The following RAB3GAP2 variants were observed in gnomAD, a reference collection of about 807,000 sequenced individuals.
RAB3GAP2 encodes rab3 GTPase-activating protein non-catalytic subunit.
RAB3GAP2 carries 87 observed loss-of-function variants against 185.3 expected under a neutral mutation model. The ratio of observed to expected loss-of-function variants is 0.47; its 90% CI spans 0.39 to 0.56. The LOEUF (loss-of-function observed/expected upper bound fraction) is 0.56, where lower values mean the gene tolerates loss of function less well. Among genes scored for constraint, RAB3GAP2 ranks in the 20% least tolerant of loss-of-function variants. RAB3GAP2 has a pLI of 0.00. For synonymous variants in RAB3GAP2, 554 were observed against 576.1 expected, an observed-to-expected ratio of 0.96 and a Z score of 0.55; for missense variants, 1,492 against 1,638.2, an observed-to-expected ratio of 0.91 and a Z score of 1.54.
chr1:220,189,801 A>C lies in RAB3GAP2; in HGVS notation c.1715-34T>G, dbSNP rs1044132350. On this transcript the variant is annotated intron_variant, in intron 16 of 34. Coordinates refer to ENST00000358951, the MANE Select transcript of RAB3GAP2 (RefSeq NM_012414.4). Reference sequence around the variant, plus strand: ...AAAAAAATAATCAAAGTAAAATTTTAATTTTTATAACAGTGAAACATTATT... The same window carrying C: ...AAAAAAATAATCAAAGTAAAATTTTCATTTTTATAACAGTGAAACATTATT... The C allele has an allele frequency of 5.8e-6, 8 of 1,389,604 alleles. No homozygotes were observed. The African/African-American group carries it at 1.2e-4, about 20-fold the overall frequency. 86.1% of individuals were successfully genotyped at this position (1,389,604 alleles called of 1,614,324 possible).
At chr1:220,159,522 A>G in intron 28 of RAB3GAP2, 101 bp from the exon 29 acceptor site, 1 of 873,718 alleles carries the variant, frequency 1.1e-6, no homozygotes, top group South Asian at 1.6e-5. Context: ...AAAACCGTAA[A>G]TGGCGCTATA....
intron 1 of RAB3GAP2, among the ~76,000 whole-genome samples, chr1:220,264,674 T>C (rs563546002): frequency 6.6e-6 from 1 of 152,210 alleles, no homozygotes; most frequent in East Asian, 2.0e-4. Context: ...CCACCACAAT[T>C]TACTATTTGC....
chr1:220,208,661 T>TA (rs1037464775), intron 7 of RAB3GAP2, among the ~76,000 whole-genome samples: 3 of 152,300 alleles, frequency 2.0e-5, no homozygotes, highest in East Asian at 1.9e-4. Flanking sequence ...TAGCTCATTT[T>TA]AAAAAAATTG....
At chr1:220,223,799 C>T (rs1159530904) in intron 2 of RAB3GAP2, among the ~76,000 whole-genome samples, 3 of 151,682 alleles carry the variant, frequency 2.0e-5, no homozygotes, top group Admixed American at 2.0e-4. Flanking sequence ...TCATACACTG[C>T]TATTTGGAAT....
chr1:220,160,065 GCTA>G (rs1414371671), intron 28 of RAB3GAP2, among the ~76,000 whole-genome samples: 13 of 151,948 alleles, frequency 8.6e-5, no homozygotes, highest in Non-Finnish European at 1.5e-4. Context: ...CTAATTCAGG[GCTA>G]CTAATCAAGA....
chr1:220,246,974 G>A (rs1160999192), intron 1 of RAB3GAP2, among the ~76,000 whole-genome samples: 1 of 152,072 alleles, frequency 6.6e-6, no homozygotes, highest in Non-Finnish European at 1.5e-5. Flanking sequence ...CTCTAAAGAA[G>A]ATATACAAAC....
At chr1:220,172,887 A>G in intron 21 of RAB3GAP2, 145 bp from the exon 22 acceptor site, 1 of 659,484 alleles carries the variant, frequency 1.5e-6, no homozygotes, top group Non-Finnish European at 2.7e-6. Flanking sequence ...TGTATCATGT[A>G]ATCTGAGAGG....
At chr1:220,240,612 C>G (rs752226965) in intron 1 of RAB3GAP2, among the ~76,000 whole-genome samples, 28 of 152,056 alleles carry the variant, frequency 1.8e-4, no homozygotes, top group Non-Finnish European at 3.5e-4. Context: ...TTGAATCATA[C>G]CCTTTCTCTA....
intron 13 of RAB3GAP2, 144 bp downstream of exon 13, chr1:220,193,096 G>C: frequency 1.0e-6 from 1 of 956,356 alleles, no homozygotes; most frequent in Non-Finnish European, 1.6e-6. Context: ...AGTGGTTGCT[G>C]ATCTGAGTTC....
chr1:220,148,790 T>TATC lies in RAB3GAP2; in HGVS notation c.*2458_*2460dup, dbSNP rs1443785952. ...AAGCATTAAGAAGCATGGTGCTATA[T>TATC]ATCTCTTTATCTACATTTACCCTGG... is the stretch of plus-strand genomic sequence containing the variant. On this transcript the variant is annotated 3_prime_UTR_variant, in exon 35 of 35. Transcript: ENST00000358951. 1.3e-5 allele frequency: 2 copies of TATC among 152,310 alleles called. No homozygotes were observed. The highest frequency in any genetic ancestry group is 4.8e-5 in the African/African-American group (2 of 41,588). 9.4% of individuals were successfully genotyped at this position (152,310 alleles called of 1,614,324 possible).
At chr1:220,239,802 C>T (rs1165075886) in intron 1 of RAB3GAP2, among the ~76,000 whole-genome samples, 1 of 152,056 alleles carries the variant, frequency 6.6e-6, no homozygotes, top group Admixed American at 6.5e-5. Flanking sequence ...CGTGCACACA[C>T]AATGTATTTT....
chr1:220,241,243 G>C (rs555202970), intron 1 of RAB3GAP2, among the ~76,000 whole-genome samples: 1 of 152,038 alleles, frequency 6.6e-6, no homozygotes. Context: ...ACAAGAACCT[G>C]AAGCTAGAAA....
intron 1 of RAB3GAP2, among the ~76,000 whole-genome samples, chr1:220,245,192 G>C (rs199655143): frequency 2.1e-4 from 32 of 149,772 alleles, no homozygotes; most frequent in African/African-American, 7.3e-4. Flanking sequence ...GAACAGCTCC[G>C]GTCTACAGCT....
chr1:220,253,985 G>C, intron 1 of RAB3GAP2: 1 of 1,613,722 alleles, frequency 6.2e-7, no homozygotes, highest in Non-Finnish European at 8.5e-7. Context: ...AAAAGGGCCC[G>C]GGTAGATCCT....
In RAB3GAP2 at chr1:220,171,916, CTG is replaced by C; in HGVS notation, c.2548_2549del (p.Gln850AspfsTer18). The C allele has an allele frequency of 6.2e-7, 1 of 1,614,166 alleles. No homozygotes were observed. The highest frequency in any genetic ancestry group is 8.5e-7 in the Non-Finnish European group (1 of 1,180,024). ...TTTTCTCTGTCATGTTGTTTGATAT[CTG>C]TGCAGCAACAGAATGCCCAACATGC... ...SAHVGHSVAA[Q>X]ISNNMTEKKF... On this transcript the variant is annotated frameshift_variant, in exon 23 of 35. Coordinates refer to ENST00000358951, the MANE Select transcript of RAB3GAP2 (RefSeq NM_012414.4). LOFTEE classifies it high-confidence loss of function.
At chr1:220,255,550 C>A (rs969903253) in intron 1 of RAB3GAP2, among the ~76,000 whole-genome samples, 2 of 152,140 alleles carry the variant, frequency 1.3e-5, no homozygotes, top group Non-Finnish European at 2.9e-5. Context: ...AATACAGGAG[C>A]TGATAGCCAC....
chr1:220,244,687 G>A (rs781462643), intron 1 of RAB3GAP2, among the ~76,000 whole-genome samples: 94 of 152,128 alleles, frequency 6.2e-4, no homozygotes, highest in Non-Finnish European at 1.2e-3. Flanking sequence ...CAAACAGCAT[G>A]GTACTGATGT....
At chr1:220,264,392 G>T (rs1303297160) in intron 1 of RAB3GAP2, among the ~76,000 whole-genome samples, 1 of 151,900 alleles carries the variant, frequency 6.6e-6, no homozygotes, top group Non-Finnish European at 1.5e-5. Flanking sequence ...TTGATTAAAG[G>T]GGAGGTTTTT....
intron 7 of RAB3GAP2, among the ~76,000 whole-genome samples, chr1:220,206,474 C>A (rs1175362350): frequency 6.6e-6 from 1 of 152,106 alleles, no homozygotes; most frequent in African/African-American, 2.4e-5. Context: ...AATAAGTGAA[C>A]AAATCATTTT....
Sources: allele counts gnomAD v4.1 joint callset (sites outside exome capture counted in the v4.1 genomes callset), GRCh38; gene constraint gnomAD v4.1.1; transcripts MANE v1.5; gene names NCBI Gene and HGNC (gene_info 2026-07-23, HGNC 2026-07-21).